Variants in KYAT3 observed in about 807,000 individuals in gnomAD.
The protein encoded by KYAT3 is kynurenine aminotransferase 3.
In KYAT3, 50 loss-of-function variants were observed where a neutral mutation model predicts 59.0. The observed-to-expected ratio is 0.85, with a 90% CI of 0.68 to 1.07. The LOEUF (loss-of-function observed/expected upper bound fraction) is 1.07, where lower values mean the gene tolerates loss of function less well. Ranked by LOEUF, KYAT3 falls within the 50% of genes least tolerant of loss-of-function variation. The pLI is 0.00. For synonymous variants in KYAT3, 148 were observed against 177.0 expected (o/e 0.84, Z 1.30); for missense variants, 497 against 533.3 (o/e 0.93, Z 0.67).
intron 13 of KYAT3, among the ~76,000 whole-genome samples, chr1:88,936,626 C>T (rs1675047655): frequency 6.6e-6 from 1 of 152,064 alleles, no homozygotes; most frequent in African/African-American, 2.4e-5. Context: ...TATTTGTGAA[C>T]TTCACATATT....
intron 2 of KYAT3, among the ~76,000 whole-genome samples, chr1:88,984,902 C>T (rs751776752): frequency 2.0e-5 from 3 of 152,198 alleles, no homozygotes; most frequent in South Asian, 4.1e-4. Context: ...TGAATTTGTG[C>T]TTTTTGACTT....
At chr1:88,948,467 T>C (rs1675536314) in intron 11 of KYAT3, among the ~76,000 whole-genome samples, 1 of 152,224 alleles carries the variant, frequency 6.6e-6, no homozygotes, top group Non-Finnish European at 1.5e-5. Flanking sequence ...ATAACAGCTT[T>C]AGGTAATATA....
the KYAT3 span, among the ~76,000 whole-genome samples, chr1:88,926,265 G>C: frequency 2.0e-5 from 3 of 152,154 alleles, no homozygotes; most frequent in African/African-American, 7.2e-5. Flanking sequence ...TCCTAACAGG[G>C]GATTTAAATC....
Position 88,936,058 on chromosome 1 carries a change from A to G in KYAT3, c.*125T>C, listed in dbSNP as rs555733504. 12 of 676,580 alleles carry G rather than the reference A, an allele frequency of 1.8e-5. No homozygotes were observed. In the South Asian group the frequency reaches 2.7e-4, roughly 15 times the overall value. The allele number at this position is 676,580 out of a possible 1,614,324, so 41.9% of individuals were successfully genotyped here. On this transcript the variant is annotated 3_prime_UTR_variant, in exon 14 of 14. Coordinates refer to ENST00000260508, the MANE Select transcript of KYAT3 (RefSeq NM_001008661.3). ...TAGGAGTTGGGTTAACTGCTTTGGA[A>G]AAACAATGGAAATATTTAAATTCCA... is the stretch of plus-strand genomic sequence containing the variant.
At chr1:88,982,368 C>G (rs1167715488) in intron 2 of KYAT3, 1 of 762,154 alleles carries the variant, frequency 1.3e-6, no homozygotes, top group Non-Finnish European at 1.8e-6. Context: ...AGGAAGTGGT[C>G]TTTAGGGACA....
At chr1:88,982,852 G>A (rs369253398) in intron 2 of KYAT3, 2 of 1,613,846 alleles carry the variant, frequency 1.2e-6, no homozygotes, top group Non-Finnish European at 1.7e-6. Context: ...TTGAGTAACT[G>A]TCTCGACTTC....
At chr1:88,952,623 T>C (rs2101031685) in intron 10 of KYAT3, among the ~76,000 whole-genome samples, 1 of 152,320 alleles carries the variant, frequency 6.6e-6, no homozygotes, top group East Asian at 1.9e-4. Context: ...CAGAAGCCAC[T>C]ATGCTTTCTG....
At chr1:88,936,267 A>G in intron 13 of KYAT3, 22 bp from the exon 14 acceptor site, 1 of 1,520,798 alleles carries the variant, frequency 6.6e-7, no homozygotes, top group Non-Finnish European at 9.1e-7. Context: ...TGAAATAATC[A>G]TCATTATTAC....
intron 2 of KYAT3, chr1:88,981,467 C>G (rs1677086288): frequency 6.5e-6 from 1 of 154,210 alleles, no homozygotes. Context: ...AATTACTTCC[C>G]CTTTTCCATT....
intron 13 of KYAT3, among the ~76,000 whole-genome samples, chr1:88,937,383 A>G (rs554138043): frequency 1.3e-5 from 2 of 152,270 alleles, no homozygotes; most frequent in African/African-American, 2.4e-5. Context: ...AGTGGCTTTG[A>G]CAGGAGATTG....
chr1:88,989,031 C>T (rs777743850), intron 1 of KYAT3, among the ~76,000 whole-genome samples: 3 of 152,146 alleles, frequency 2.0e-5, no homozygotes, highest in Non-Finnish European at 4.4e-5. Context: ...GAAACTATTA[C>T]AATACTGCCA....
chr1:88,937,666 C>T (rs1340026348), intron 13 of KYAT3, among the ~76,000 whole-genome samples: 3 of 152,130 alleles, frequency 2.0e-5, no homozygotes, highest in South Asian at 4.2e-4. Context: ...TGGCAAACAC[C>T]ACCTTAATCA....
In KYAT3 at chr1:88,961,147, C is replaced by T. The variant is rs1676122411; in HGVS notation, c.787+20G>A. ...TGCCCAAACACATTTAGATATGTGA[C>T]TCTGTGTTATAGTTGGTACCTATTT... On this transcript the variant is annotated intron_variant, in intron 8 of 13. Coordinates refer to ENST00000260508, the MANE Select transcript of KYAT3 (RefSeq NM_001008661.3). 2 of 1,611,962 alleles carry T rather than the reference C, an allele frequency of 1.2e-6. No homozygotes were observed. Among genetic ancestry groups the T allele is most frequent in the Non-Finnish European group, 1.7e-6 (2 of 1,179,174 alleles).
intron 8 of KYAT3, among the ~76,000 whole-genome samples, chr1:88,959,294 T>C (rs61766125): frequency 6.8e-6 from 1 of 147,766 alleles, no homozygotes; most frequent in Non-Finnish European, 1.5e-5. Flanking sequence ...AAAAAAAAAT[T>C]AAGGCTGGGC....
At position 88,968,731 on chromosome 1, in the gene KYAT3, A is replaced by T; in HGVS notation, c.242T>A (p.Val81Glu). The T allele has an allele frequency of 6.2e-7, 1 of 1,600,936 alleles. No homozygotes were observed. Among genetic ancestry groups the T allele is most frequent in the Non-Finnish European group, 8.5e-7 (1 of 1,176,294 alleles). Reference sequence around the variant, plus strand: ...TGCAATCTTTGATAATTCTTCTTTTACATATGTAGGAGGGGATATATCTGG... The same window carrying T: ...TGCAATCTTTGATAATTCTTCTTTTTCATATGTAGGAGGGGATATATCTGG... ...GFPDISPPTY[V>E]KEELSKIAAI... The change falls in exon 4 of 14, where the codon GTA (valine) becomes GAA (glutamate). Residue 81 changes from valine (V) to glutamate (E), a missense_variant. Val to Glu is a moderately radical substitution (Grantham distance 121, BLOSUM62 -2). This residue lies in a region of KYAT3 where 469 missense variants were observed against 479.1 expected (regional missense o/e 0.98). Coordinates refer to ENST00000260508, the MANE Select transcript of KYAT3 (RefSeq NM_001008661.3).
At chr1:88,937,765 T>C (rs1017371009) in intron 13 of KYAT3, among the ~76,000 whole-genome samples, 2 of 152,204 alleles carry the variant, frequency 1.3e-5, no homozygotes, top group African/African-American at 4.8e-5. Flanking sequence ...TCATCACTTC[T>C]GTGGTTTCCT....
At chr1:88,980,298 G>C (rs1557703612) in intron 2 of KYAT3, 2 of 152,604 alleles carry the variant, frequency 1.3e-5, no homozygotes, top group Admixed American at 6.5e-5. Flanking sequence ...ACAGTTTACT[G>C]TAACTTGATA....
chr1:88,934,545 C>T (rs926833249), downstream of KYAT3, among the ~76,000 whole-genome samples: 6 of 152,116 alleles, frequency 3.9e-5, no homozygotes, highest in East Asian at 3.8e-4. Context: ...GTGTCAGTGA[C>T]GTGAATTCAT....
chr1:88,969,367 A>G (rs1300203192), intron 3 of KYAT3, 42 bp downstream of exon 3: 1 of 1,202,962 alleles, frequency 8.3e-7, no homozygotes, highest in Admixed American at 1.8e-5. Flanking sequence ...GAAAATATGT[A>G]GGAAACCCTC....
Sources: allele counts gnomAD v4.1 joint callset (sites outside exome capture counted in the v4.1 genomes callset), GRCh38; gene constraint gnomAD v4.1.1; regional missense constraint gnomAD v4.1.1; transcripts MANE v1.5; gene names NCBI Gene and HGNC (gene_info 2026-07-23, HGNC 2026-07-21).